The following TMEM178B variants were observed in gnomAD, a reference collection of about 807,000 sequenced individuals.
TMEM178B encodes the protein transmembrane protein 178B.
In TMEM178B, 5 loss-of-function variants were observed where a neutral mutation model predicts 31.0. The observed-to-expected ratio is 0.16, with a 90% CI of 0.08 to 0.34. The LOEUF (loss-of-function observed/expected upper bound fraction) is 0.34. TMEM178B is among the 10% of genes least tolerant of loss of function. TMEM178B has a pLI of 1.00. For synonymous variants in TMEM178B, 164 were observed against 164.0 expected (o/e 1.00, Z 0.00); for missense variants, 275 against 400.3 (o/e 0.69, Z 2.67).
At chr7:141,342,242 GC>G (rs1401675826) in intron 2 of TMEM178B, among the ~76,000 whole-genome samples, 1 of 152,062 alleles carries the variant, frequency 6.6e-6, no homozygotes, top group Non-Finnish European at 1.5e-5. Context: ...GCCACACCCG[GC>G]CCAAAATATA....
At position 141,461,682 on chromosome 7, in the gene TMEM178B, G is replaced by A. The variant is rs753554654; in HGVS notation, c.635-8854G>A. ...GTGGCTTCTCTGAGAATCCCTAAGC[G>A]GAGTGGAAACACATGTTCTAGCCTC... On this transcript the variant is annotated intron_variant, in intron 3 of 3. Coordinates refer to ENST00000565468, the MANE Select transcript of TMEM178B (RefSeq NM_001195278.2). This position sits in a 1 kb window ranked among gnomAD's most constrained non-coding sequence, Gnocchi z 4.0. Among the ~76,000 whole-genome samples, 5 of 152,274 alleles carry A rather than the reference G, an allele frequency of 3.3e-5. No individual in the cohort carries two copies. Among genetic ancestry groups the A allele is most frequent in the African/African-American group, 4.8e-5 (2 of 41,558 alleles).
Position 141,141,984 on chromosome 7 carries a change from C to G in TMEM178B, c.382+67292C>G, listed in dbSNP as rs191124195. Among the ~76,000 whole-genome samples, 194 of 152,234 alleles carry G rather than the reference C, an allele frequency of 1.3e-3. 1 individual carries two copies. Among genetic ancestry groups the G allele is most frequent in the Non-Finnish European group, 2.5e-3 (168 of 67,994 alleles). ...TACATGTACAGGTTTGTTACCTGGG[C>G]ATATTGTGTGATTCTAAGGTTTGGG... On this transcript the variant is annotated intron_variant, in intron 1 of 3. Coordinates refer to ENST00000565468, the MANE Select transcript of TMEM178B (RefSeq NM_001195278.2).
chr7:141,482,769 C>CA (rs1370327180), downstream of TMEM178B, among the ~76,000 whole-genome samples: 4 of 152,194 alleles, frequency 2.6e-5, no homozygotes, highest in African/African-American at 9.6e-5. Flanking sequence ...AGACCAGAAG[C>CA]AAGTGTCCAG....
chr7:141,252,494 G>A (rs551219824), intron 2 of TMEM178B, among the ~76,000 whole-genome samples: 8 of 152,358 alleles, frequency 5.3e-5, no homozygotes, highest in Non-Finnish European at 8.8e-5. Flanking sequence ...TCACTCTAGT[G>A]ATGAAGTTGT....
chr7:141,226,755 G>A (rs1486554417), intron 2 of TMEM178B, among the ~76,000 whole-genome samples: 1 of 151,454 alleles, frequency 6.6e-6, no homozygotes, highest in East Asian at 1.9e-4. Flanking sequence ...CTACTCAAGT[G>A]GCTAAGGCAT....
intron 1 of TMEM178B, among the ~76,000 whole-genome samples, chr7:141,145,115 G>A (rs1485977908): frequency 1.3e-5 from 2 of 152,216 alleles, no homozygotes; most frequent in Non-Finnish European, 2.9e-5. Context: ...GTGACTCAAA[G>A]CTCTGTTCCT....
the TMEM178B span, among the ~76,000 whole-genome samples, chr7:141,490,500 T>G: frequency 6.6e-6 from 1 of 152,156 alleles, no homozygotes; most frequent in East Asian, 1.9e-4. Context: ...GGGAGAGGCA[T>G]GGAACAGATT....
chr7:141,135,968 A>G (rs1795669551), intron 1 of TMEM178B, among the ~76,000 whole-genome samples: 1 of 152,152 alleles, frequency 6.6e-6, no homozygotes, highest in Non-Finnish European at 1.5e-5. Context: ...TAGCTAGACT[A>G]ACCAAGGAAA....
chr7:141,466,796 G>A (rs763865307), intron 3 of TMEM178B, among the ~76,000 whole-genome samples: 3 of 152,028 alleles, frequency 2.0e-5, no homozygotes, highest in East Asian at 1.9e-4. Flanking sequence ...CACTGCCCCC[G>A]CTTTCTGTCC....
intron 1 of TMEM178B, among the ~76,000 whole-genome samples, chr7:141,143,599 A>T (rs1157638894): frequency 6.6e-6 from 1 of 152,156 alleles, no homozygotes; most frequent in Non-Finnish European, 1.5e-5. Flanking sequence ...TACTGGTACC[A>T]TGCTGTTTTG....
intron 2 of TMEM178B, among the ~76,000 whole-genome samples, chr7:141,342,420 A>C (rs906185213): frequency 2.6e-5 from 4 of 152,220 alleles, no homozygotes; most frequent in Non-Finnish European, 5.9e-5. Flanking sequence ...ATTCAAAAAA[A>C]TTCGTTTTCT....
At chr7:141,247,785 T>C (rs1206526353) in intron 2 of TMEM178B, among the ~76,000 whole-genome samples, 1 of 152,214 alleles carries the variant, frequency 6.6e-6, no homozygotes, top group African/African-American at 2.4e-5. Flanking sequence ...ATGACCAAAT[T>C]TTTTGTGTAT....
At chr7:141,390,736 C>T (rs993731041) in intron 2 of TMEM178B, among the ~76,000 whole-genome samples, 2 of 152,082 alleles carry the variant, frequency 1.3e-5, no homozygotes, top group Non-Finnish European at 2.9e-5. Context: ...GCTCTCAATC[C>T]CATTTTACTC....
chr7:141,356,563 GTTAT>G (rs951844158), intron 2 of TMEM178B, among the ~76,000 whole-genome samples: 9 of 130,728 alleles, frequency 6.9e-5, no homozygotes, highest in African/African-American at 2.6e-4. Context: ...TTTTAATGGG[GTTAT>G]TTGTCTTTTT....
chr7:141,503,774 C>A, the TMEM178B span, among the ~76,000 whole-genome samples: 5 of 152,182 alleles, frequency 3.3e-5, no homozygotes, highest in Non-Finnish European at 5.9e-5. Context: ...GTTTCATGTG[C>A]AAATTGGGGC....
intron 1 of TMEM178B, among the ~76,000 whole-genome samples, chr7:141,201,929 G>C (rs1796884720): frequency 1.3e-5 from 2 of 152,152 alleles, no homozygotes; most frequent in South Asian, 4.2e-4. Context: ...TTTCAGAAGA[G>C]ACTGGTATTT....
chr7:141,161,571 C>T (rs970721206), intron 1 of TMEM178B, among the ~76,000 whole-genome samples: 9 of 152,198 alleles, frequency 5.9e-5, no homozygotes, highest in East Asian at 1.9e-4. Flanking sequence ...TGTGACCATG[C>T]GCAGGAAGGC....
rs190185590 is a variant in TMEM178B at position 141,157,656 on chromosome 7, A to T, written c.383-54935A>T. 2.6e-5 allele frequency among the ~76,000 whole-genome samples: 4 copies of T among 152,320 alleles called. No homozygotes were observed. In the East Asian group the frequency reaches 7.7e-4, roughly 29 times the overall value. On this transcript the variant is annotated intron_variant, in intron 1 of 3. Coordinates refer to ENST00000565468, the MANE Select transcript of TMEM178B (RefSeq NM_001195278.2). The stretch of plus-strand genomic sequence containing the variant: ...CTCAAAAAAACTTTTAGTTGTAACT[A>T]AGCCCAACTTGCACATCTGTGAAAT...
chr7:141,195,426 C>G (rs1468039335), intron 1 of TMEM178B, among the ~76,000 whole-genome samples: 3 of 152,214 alleles, frequency 2.0e-5, no homozygotes, highest in Non-Finnish European at 4.4e-5. Context: ...CTGCCAGTCT[C>G]TTTGCTAAAA....
Sources: allele counts gnomAD v4.1 joint callset (sites outside exome capture counted in the v4.1 genomes callset), GRCh38; gene constraint gnomAD v4.1.1; non-coding constraint Gnocchi (gnomAD v3.1); transcripts MANE v1.5; gene names NCBI Gene and HGNC (gene_info 2026-07-23, HGNC 2026-07-21).